The following GABPB1 variants were observed in gnomAD, a reference collection of about 807,000 sequenced individuals.
GABPB1 encodes GA-binding protein subunit beta-1.
In GABPB1, 15 loss-of-function variants were observed where a neutral mutation model predicts 45.9. The observed-to-expected ratio is 0.33, with a 90% confidence interval of 0.22 to 0.50. GABPB1 has a LOEUF of 0.50. GABPB1 is among the 20% of genes least tolerant of loss of function. The pLI is 0.98. For synonymous variants in GABPB1, 143 were observed against 154.4 expected (o/e 0.93, Z 0.55); for missense variants, 252 against 457.5 (o/e 0.55, Z 4.10).
intron 1 of GABPB1, among the ~76,000 whole-genome samples, chr15:50,312,481 C>T (rs28622102): frequency 1.3e-5 from 2 of 152,154 alleles, no homozygotes; most frequent in Non-Finnish European, 2.9e-5. Flanking sequence ...TCCAATGAGG[C>T]ATTTTTTCCT....
intron 1 of GABPB1, among the ~76,000 whole-genome samples, chr15:50,344,427 G>C (rs186492894): frequency 6.6e-6 from 1 of 152,238 alleles, no homozygotes; most frequent in Admixed American, 6.5e-5. Context: ...TTTAGCAATG[G>C]GTTCAAAATA....
chr15:50,292,485 G>C (rs926351507), intron 6 of GABPB1, among the ~76,000 whole-genome samples: 4 of 151,988 alleles, frequency 2.6e-5, no homozygotes, highest in African/African-American at 9.7e-5. Context: ...GTTGCAAAGG[G>C]GAAAATCTAC....
chr15:50,293,868 G>A (rs1190153961), intron 6 of GABPB1, among the ~76,000 whole-genome samples: 1 of 151,968 alleles, frequency 6.6e-6, no homozygotes, highest in East Asian at 1.9e-4. Context: ...AAGACAAAGT[G>A]CCCCCCAGAA....
In GABPB1 at chr15:50,281,273, A is replaced by G. The variant is rs376776058; in HGVS notation, c.1000-2489T>C. Among the ~76,000 whole-genome samples, 27 of 152,190 alleles carry G rather than the reference A, an allele frequency of 1.8e-4. 1 individual carries two copies. In the East Asian group the frequency reaches 2.9e-3, roughly 16 times the overall value. On this transcript the variant is annotated intron_variant, in intron 8 of 8. Coordinates refer to ENST00000380877, the MANE Select transcript of GABPB1 (RefSeq NM_016654.5). ...GTTGCCCAGGCTGGAGTGCAGTGGC[A>G]TTATCTCAGCTCACTGCAACCTCCA...
At chr15:50,335,018 AG>A in intron 1 of GABPB1, among the ~76,000 whole-genome samples, 1 of 152,022 alleles carries the variant, frequency 6.6e-6, no homozygotes, top group East Asian at 1.9e-4. Context: ...AATTGTGGGG[AG>A]GCCTAAGATG....
chr15:50,318,953 C>G (rs1179683458), intron 1 of GABPB1, among the ~76,000 whole-genome samples: 2 of 152,012 alleles, frequency 1.3e-5, no homozygotes, highest in Non-Finnish European at 2.9e-5. Flanking sequence ...AATAATAGTT[C>G]CTGGGGTGTA....
intron 1 of GABPB1, among the ~76,000 whole-genome samples, chr15:50,346,120 T>C (rs1448981207): frequency 1.3e-5 from 2 of 152,094 alleles, no homozygotes; most frequent in Non-Finnish European, 2.9e-5. Context: ...TTCCGTTCAA[T>C]TTACAAAATA....
chr15:50,301,195 A>C (rs2046729952), intron 5 of GABPB1, 62 bp downstream of exon 5: 1 of 1,591,136 alleles, frequency 6.3e-7, no homozygotes, highest in African/African-American at 1.3e-5. Flanking sequence ...AAAATCCCAA[A>C]GCCTATCCTA....
chr15:50,316,525 C>T (rs1350195627), intron 1 of GABPB1, among the ~76,000 whole-genome samples: 3 of 152,134 alleles, frequency 2.0e-5, no homozygotes, highest in Non-Finnish European at 4.4e-5. Flanking sequence ...AATTCTTATG[C>T]TCAATGAGTA....
At chr15:50,331,594 C>T (rs1366653231) in intron 1 of GABPB1, among the ~76,000 whole-genome samples, 1 of 152,136 alleles carries the variant, frequency 6.6e-6, no homozygotes, top group East Asian at 1.9e-4. Flanking sequence ...AGATTACTAG[C>T]AAGTTGTCAG....
chr15:50,355,191 T>A lies in GABPB1; in HGVS notation c.-207A>T, dbSNP rs2049059522. ...CCCGTGCTGCGCGCGGAGGGACACA[T>A]GGTGTGCGAGTGAGTCAAGCTCCCA... On this transcript the variant is annotated 5_prime_UTR_variant, in exon 1 of 9. The change abolishes an upstream ATG in the 5' untranslated region. Transcript: ENST00000380877. 6.5e-6 allele frequency: 1 copy of A among 152,980 alleles called. No homozygotes were observed. Among genetic ancestry groups the A allele is most frequent in the African/African-American group, 2.4e-5 (1 of 41,438 alleles). The allele number at this position is 152,980 out of a possible 1,614,324, so 9.5% of individuals were successfully genotyped here.
At chr15:50,285,876 C>CTCAT (rs2046135694) in intron 8 of GABPB1, 192 bp downstream of exon 8, 4 of 1,357,936 alleles carry the variant, frequency 2.9e-6, no homozygotes, top group East Asian at 2.8e-5. Context: ...TCTTCACTCA[C>CTCAT]TCATTCATTC....
chr15:50,315,351 T>C (rs2047282413), intron 1 of GABPB1, among the ~76,000 whole-genome samples: 1 of 152,162 alleles, frequency 6.6e-6, no homozygotes, highest in Non-Finnish European at 1.5e-5. Flanking sequence ...AGGCTGGTCT[T>C]GAACTCCTGT....
intron 3 of GABPB1, among the ~76,000 whole-genome samples, chr15:50,303,343 GT>G: frequency 6.6e-6 from 1 of 152,114 alleles, no homozygotes; most frequent in South Asian, 2.1e-4. Flanking sequence ...GAGCTCAGGG[GT>G]TTGAAACTAG....
chr15:50,340,055 A>T (rs529278990), intron 1 of GABPB1, among the ~76,000 whole-genome samples: 2 of 152,328 alleles, frequency 1.3e-5, no homozygotes, highest in East Asian at 3.9e-4. Flanking sequence ...TTGAGTGATG[A>T]TTAGCTCATG....
chr15:50,339,096 T>C (rs951015493), intron 1 of GABPB1, among the ~76,000 whole-genome samples: 4 of 152,246 alleles, frequency 2.6e-5, no homozygotes, highest in Middle Eastern at 3.4e-3. Flanking sequence ...CAGGTGACCC[T>C]GACCTCAGGG....
At chr15:50,284,582 T>A (rs2046094427) in intron 8 of GABPB1, among the ~76,000 whole-genome samples, 1 of 152,150 alleles carries the variant, frequency 6.6e-6, no homozygotes, top group Admixed American at 6.6e-5. Flanking sequence ...CAGGCTGAAC[T>A]TTGAGGGAAA....
At chr15:50,286,652 TATA>T (rs1432669671) in intron 7 of GABPB1, among the ~76,000 whole-genome samples, 1 of 152,184 alleles carries the variant, frequency 6.6e-6, no homozygotes, top group Non-Finnish European at 1.5e-5. Flanking sequence ...TCCAAATACT[TATA>T]ATATCTTACA....
At chr15:50,342,185 ATG>A (rs1460012156) in intron 1 of GABPB1, among the ~76,000 whole-genome samples, 1 of 152,194 alleles carries the variant, frequency 6.6e-6, no homozygotes, top group African/African-American at 2.4e-5. Flanking sequence ...CCTCAGCAAA[ATG>A]AATTAATCAC....
Sources: allele counts gnomAD v4.1 joint callset (sites outside exome capture counted in the v4.1 genomes callset), GRCh38; gene constraint gnomAD v4.1.1; transcripts MANE v1.5; gene names NCBI Gene and HGNC (gene_info 2026-07-23, HGNC 2026-07-21).